Variants in ITPRIPL2 observed in about 807,000 individuals in gnomAD.
The protein encoded by ITPRIPL2 is ITPRIP like 2.
Under a neutral mutation model 31.7 loss-of-function variants are expected in ITPRIPL2, and 29 were observed. That is an observed-to-expected ratio of 0.91 (90% confidence interval 0.68 to 1.25). The LOEUF (loss-of-function observed/expected upper bound fraction) is 1.25, where lower values mean the gene tolerates loss of function less well. Ranked by LOEUF, ITPRIPL2 falls within the 50% of genes most tolerant of loss-of-function variation. The probability of loss-of-function intolerance (pLI) is 0.00; values close to 1 mark genes in which losing one functional copy is unlikely to be tolerated. For missense variants in ITPRIPL2, 696 were observed against 739.1 expected, an observed-to-expected ratio of 0.94 and a Z score of 0.68; for synonymous variants, 344 against 343.4, an observed-to-expected ratio of 1.00 and a Z score of -0.02.
In ITPRIPL2 at chr16:19,114,666, G is replaced by T; in HGVS notation, c.205G>T (p.Ala69Ser). The T allele has an allele frequency of 6.2e-7, 1 of 1,610,194 alleles. No homozygotes were observed. Among genetic ancestry groups the T allele is most frequent in the South Asian group, 1.1e-5 (1 of 90,866 alleles). ...LSYVLLRCRHAVRQRFLPGSP... is the reference protein window; with the variant it reads ...LSYVLLRCRHSVRQRFLPGSP... ...CTATGTCCTCCTGCGCTGTCGCCAC[G>T]CTGTCCGGCAGCGCTTCCTGCCCGG... The change falls in exon 1 of 1, where the codon GCT becomes TCT. Residue 69 changes from alanine (A) to serine (S), a missense_variant. Physicochemically the swap from Ala to Ser is moderately conservative, Grantham distance 99 (BLOSUM62 1). Coordinates refer to ENST00000381440, the MANE Select transcript of ITPRIPL2 (RefSeq NM_001034841.4).
rs1963463054 is a variant in ITPRIPL2, at chr16:19,117,814, T to G, written c.*1745T>G. Reference sequence around the variant, plus strand: ...GGAATCCTTCTCCTCCAAGCTGCATTGGCTTCTTATATCCTTTGCGACCTT... The same window carrying G: ...GGAATCCTTCTCCTCCAAGCTGCATGGGCTTCTTATATCCTTTGCGACCTT... On this transcript the variant is annotated 3_prime_UTR_variant, in exon 1 of 1. Transcript: ENST00000381440. The G allele has an allele frequency of 6.0e-6, 1 of 166,990 alleles. No individual in the cohort carries two copies. The highest frequency in any genetic ancestry group is 1.5e-5 in the Non-Finnish European group (1 of 68,116). 10.3% of individuals were successfully genotyped at this position (166,990 alleles called of 1,614,324 possible).
In ITPRIPL2 at chr16:19,114,651, C is replaced by T. The variant is rs1232760247; in HGVS notation, c.190C>T (p.Leu64=). The T allele has an allele frequency of 1.2e-6, 2 of 1,608,366 alleles. No individual in the cohort carries two copies. Among genetic ancestry groups the T allele is most frequent in the East Asian group, 2.2e-5 (1 of 44,792 alleles). The change falls in exon 1 of 1, where the codon CTG becomes TTG. Residue 64 remains leucine, a synonymous_variant. Coordinates refer to ENST00000381440, the MANE Select transcript of ITPRIPL2 (RefSeq NM_001034841.4). ...AVLLLLSYVL[L]RCRHAVRQRF... The stretch of plus-strand genomic sequence containing the variant: ...CCTGCTCCTCCTCAGCTATGTCCTC[C>T]TGCGCTGTCGCCACGCTGTCCGGCA...
Position 19,115,431 on chromosome 16 carries a change from C to A in ITPRIPL2, c.970C>A (p.Pro324Thr), listed in dbSNP as rs1963426865. 1 of 1,610,386 alleles carries A rather than the reference C, an allele frequency of 6.2e-7. No homozygotes were observed. Among genetic ancestry groups the A allele is most frequent in the Admixed American group, 1.7e-5 (1 of 60,004 alleles). Residue 324 changes from proline to threonine, a missense_variant, in exon 1 of 1, where the codon CCA (proline) becomes ACA (threonine). Transcript: ENST00000381440. ...HLGDGVFLVA[P>T]PPPPLPSAPL... The stretch of plus-strand genomic sequence containing the variant: ...GGGAGATGGGGTCTTCCTTGTGGCG[C>A]CACCACCGCCACCCTTGCCCAGCGC...
At position 19,116,455 on chromosome 16, in the gene ITPRIPL2, T is replaced by TA. The variant is rs3840049; in HGVS notation, c.*395dup. ...TAGACACAGATCTCTCTGCCCAAAT[T>TA]AAAAAAAAACAAAACAAAACACTAA... On this transcript the variant is annotated 3_prime_UTR_variant, in exon 1 of 1. Transcript: ENST00000381440. 8.4e-4 allele frequency: 175 copies of TA among 207,924 alleles called. No homozygotes were observed. The highest frequency in any genetic ancestry group is 2.7e-3 in the East Asian group (21 of 7,870). 12.9% of individuals were successfully genotyped at this position (207,924 alleles called of 1,614,324 possible). A position where few individuals can be genotyped will look rare whatever the true frequency, so the allele number is the denominator to read the frequency against.
chr16:19,115,844 G>A lies in ITPRIPL2; in HGVS notation c.1383G>A (p.Ala461=), dbSNP rs147267980. 1 of 1,612,412 alleles carries A rather than the reference G, an allele frequency of 6.2e-7. No individual in the cohort carries two copies. Among genetic ancestry groups the A allele is most frequent in the African/African-American group, 1.3e-5 (1 of 75,058 alleles). The change falls in exon 1 of 1, where the codon GCG becomes GCA. Residue 461 remains alanine, a synonymous_variant. Coordinates refer to ENST00000381440, the MANE Select transcript of ITPRIPL2 (RefSeq NM_001034841.4). ...ACTGCGTCCTGGGCCCTGGTGGGGCGGCTGCCGAGGTGGGTCCCCTGCCCA... is the reference window on the plus strand; with the variant it reads ...ACTGCGTCCTGGGCCCTGGTGGGGCAGCTGCCGAGGTGGGTCCCCTGCCCA... ...LFHCVLGPGG[A]AAEVGPLPKA...
rs1342517604 is a variant in ITPRIPL2, at chr16:19,115,945, G to T, written c.1484G>T (p.Arg495Leu). ...CACGCCCGGGAACTTGCAGCAGCGCGGTTGCTGTCCACGTGGCAAAGGCTG... is the reference window on the plus strand; with the variant it reads ...CACGCCCGGGAACTTGCAGCAGCGCTGTTGCTGTCCACGTGGCAAAGGCTG... Reference protein sequence around the residue: ...DGHARELAAARLLSTWQRLPQ... With the variant: ...DGHARELAAALLLSTWQRLPQ... Residue 495 changes from arginine (R) to leucine (L), a missense_variant, in exon 1 of 1, where the codon CGG becomes CTG. Physicochemically the swap from Arg to Leu is moderately radical, Grantham distance 102. Transcript: ENST00000381440. 5 of 1,612,644 alleles carry T rather than the reference G, an allele frequency of 3.1e-6. No individual in the cohort carries two copies. The African/African-American group carries it at 4.0e-5, about 13-fold the overall frequency.
rs1963519398 is a variant in ITPRIPL2, at chr16:19,121,427, A to T, written c.*5358A>T. On this transcript the variant is annotated 3_prime_UTR_variant, in exon 1 of 1. Coordinates refer to ENST00000381440, the MANE Select transcript of ITPRIPL2 (RefSeq NM_001034841.4). ...TTTGTTCCAATAACAGAGACCAAAGAGTTAATCAGATATGGTTCAGCTGCT... is the reference window on the plus strand; with the variant it reads ...TTTGTTCCAATAACAGAGACCAAAGTGTTAATCAGATATGGTTCAGCTGCT... 6.0e-6 allele frequency: 1 copy of T among 166,990 alleles called. No individual in the cohort carries two copies. The highest frequency in any genetic ancestry group is 6.5e-5 in the Admixed American group (1 of 15,270). 10.3% of individuals were successfully genotyped at this position (166,990 alleles called of 1,614,324 possible).
chr16:19,114,450 C>T lies in ITPRIPL2; in HGVS notation c.-12C>T. 7.2e-7 allele frequency: 1 copy of T among 1,392,076 alleles called. No individual in the cohort carries two copies. 86.2% of individuals were successfully genotyped at this position (1,392,076 alleles called of 1,614,324 possible). A position where few individuals can be genotyped will look rare whatever the true frequency, so the allele number is the denominator to read the frequency against. The stretch of plus-strand genomic sequence containing the variant: ...CTGGGCTGCTCGGCCACCGCCGCCC[C>T]GGGCGCCCGGCATGTCGGTGCACTA... On this transcript the variant is annotated 5_prime_UTR_variant, in exon 1 of 1. Coordinates refer to ENST00000381440, the MANE Select transcript of ITPRIPL2 (RefSeq NM_001034841.4).
rs909985930 is a variant in ITPRIPL2 at position 19,117,051 on chromosome 16, G to T, written c.*982G>T. 6.0e-6 allele frequency: 1 copy of T among 167,148 alleles called. No homozygotes were observed. The highest frequency in any genetic ancestry group is 2.4e-5 in the African/African-American group (1 of 41,474). 10.4% of individuals were successfully genotyped at this position (167,148 alleles called of 1,614,324 possible). ...TGGAGAAAGATGTGTTTTAGGCTTT[G>T]CCTGTAAAGGTGTTTCTCCAAGGCT... On this transcript the variant is annotated 3_prime_UTR_variant, in exon 1 of 1. Transcript: ENST00000381440.
In ITPRIPL2 at chr16:19,117,867, T is replaced by C. The variant is rs1336742273; in HGVS notation, c.*1798T>C. Reference sequence around the variant, plus strand: ...GCTGAAAGAGAAACAGCTGCAAATGTTGTGCTGTCTCTTTGAGGTTGTCTT... The same window carrying C: ...GCTGAAAGAGAAACAGCTGCAAATGCTGTGCTGTCTCTTTGAGGTTGTCTT... On this transcript the variant is annotated 3_prime_UTR_variant, in exon 1 of 1. Coordinates refer to ENST00000381440, the MANE Select transcript of ITPRIPL2 (RefSeq NM_001034841.4). 1 of 167,014 alleles carries C rather than the reference T, an allele frequency of 6.0e-6. No individual in the cohort carries two copies. Among genetic ancestry groups the C allele is most frequent in the African/African-American group, 2.4e-5 (1 of 41,432 alleles). The allele number at this position is 167,014 out of a possible 1,614,324, so 10.3% of individuals were successfully genotyped here.
At position 19,114,321 on chromosome 16, in the gene ITPRIPL2, C is replaced by T. The variant is rs1028299522; in HGVS notation, c.-141C>T. On this transcript the variant is annotated 5_prime_UTR_variant, in exon 1 of 1. Transcript: ENST00000381440. ...GGCCGAGCTGGAGGGCGGCCTCCCT[C>T]GGGCCTGCGTTCGGGAAGCCGCCGC... 1.9e-6 allele frequency: 1 copy of T among 522,570 alleles called. No individual in the cohort carries two copies. Among genetic ancestry groups the T allele is most frequent in the Non-Finnish European group, 2.9e-6 (1 of 340,838 alleles). 32.4% of individuals were successfully genotyped at this position (522,570 alleles called of 1,614,324 possible).
In ITPRIPL2 at chr16:19,115,804, G is replaced by A; in HGVS notation, c.1343G>A (p.Arg448His). ...VQFLRDCLLR[R>H]HTLFHCVLGP... ...TTCCTTAGGGACTGCCTGCTGCGAC[G>A]CCATACGCTCTTCCACTGCGTCCTG... Residue 448 changes from arginine to histidine, a missense_variant, in exon 1 of 1, where the codon CGC (arginine) becomes CAC (histidine). Transcript: ENST00000381440. 1.2e-6 allele frequency: 2 copies of A among 1,612,906 alleles called. No homozygotes were observed. Among genetic ancestry groups the A allele is most frequent in the Non-Finnish European group, 8.5e-7 (1 of 1,179,952 alleles).
In ITPRIPL2 at chr16:19,115,608, C is replaced by T; in HGVS notation, c.1147C>T (p.Arg383Cys). The change falls in exon 1 of 1, where the codon CGC (arginine) becomes TGC (cysteine). Residue 383 changes from arginine to cysteine, a missense_variant. By Grantham distance (180) the Arg-to-Cys change is radical (BLOSUM62 -3). Coordinates refer to ENST00000381440, the MANE Select transcript of ITPRIPL2 (RefSeq NM_001034841.4). ...LKCLQLLKAL[R>C]DLGARGLDSA... ...GTGCCTGCAGTTGCTTAAGGCTCTG[C>T]GCGATCTGGGGGCCCGTGGGCTGGA... 1.9e-6 allele frequency: 3 copies of T among 1,607,672 alleles called. No individual in the cohort carries two copies. Among genetic ancestry groups the T allele is most frequent in the East Asian group, 2.2e-5 (1 of 44,848 alleles).
chr16:19,114,491 C>T lies in ITPRIPL2; in HGVS notation c.30C>T (p.Arg10=), dbSNP rs1277538260. 1.4e-6 allele frequency: 2 copies of T among 1,448,606 alleles called. No homozygotes were observed. Among genetic ancestry groups the T allele is most frequent in the African/African-American group, 2.9e-5 (2 of 69,710 alleles). 89.7% of individuals were successfully genotyped at this position (1,448,606 alleles called of 1,614,324 possible). Residue 10 remains arginine, a synonymous_variant, in exon 1 of 1, where the codon CGC becomes CGT. Coordinates refer to ENST00000381440, the MANE Select transcript of ITPRIPL2 (RefSeq NM_001034841.4). ...CGGTGCACTACACCCTCAATCTACGCGTCTTCTGGCCCCTGGTGACCGGCC... is the reference window on the plus strand; with the variant it reads ...CGGTGCACTACACCCTCAATCTACGTGTCTTCTGGCCCCTGGTGACCGGCC... MSVHYTLNL[R]VFWPLVTGLC...
Position 19,115,560 on chromosome 16 carries a change from G to A in ITPRIPL2, c.1099G>A (p.Ala367Thr), listed in dbSNP as rs1204740940. Reference protein sequence around the residue: ...KLLSWLQERAAPGACYLKCLQ... With the variant: ...KLLSWLQERATPGACYLKCLQ... ...GCTGAGTTGGCTGCAGGAACGGGCA[G>A]CTCCAGGTGCCTGCTACCTCAAGTG... The change falls in exon 1 of 1, where the codon GCT (alanine) becomes ACT (threonine). Residue 367 changes from alanine to threonine, a missense_variant. Coordinates refer to ENST00000381440, the MANE Select transcript of ITPRIPL2 (RefSeq NM_001034841.4). The A allele has an allele frequency of 3.7e-6, 6 of 1,603,004 alleles. No individual in the cohort carries two copies. The highest frequency in any genetic ancestry group is 1.3e-5 in the African/African-American group (1 of 74,894).
At position 19,118,903 on chromosome 16, in the gene ITPRIPL2, T is replaced by C; in HGVS notation, c.*2834T>C. The C allele has an allele frequency of 2.4e-6, 1 of 413,174 alleles. No individual in the cohort carries two copies. The highest frequency in any genetic ancestry group is 4.4e-6 in the Non-Finnish European group (1 of 226,034). 25.6% of individuals were successfully genotyped at this position (413,174 alleles called of 1,614,324 possible). ...TCAATTCTGTATTTTATTAGGGCTC[T>C]GTTATGTCCTTCATCTGAAATGTAC... On this transcript the variant is annotated 3_prime_UTR_variant, in exon 1 of 1. Transcript: ENST00000381440.
Position 19,114,667 on chromosome 16 carries a change from C to G in ITPRIPL2, c.206C>G (p.Ala69Gly). Residue 69 changes from alanine (A) to glycine (G), a missense_variant, in exon 1 of 1, where the codon GCT (alanine) becomes GGT (glycine). Physicochemically the swap from Ala to Gly is moderately conservative, Grantham distance 60. Coordinates refer to ENST00000381440, the MANE Select transcript of ITPRIPL2 (RefSeq NM_001034841.4). ...LSYVLLRCRHAVRQRFLPGSP... is the reference protein window; with the variant it reads ...LSYVLLRCRHGVRQRFLPGSP... ...TATGTCCTCCTGCGCTGTCGCCACGCTGTCCGGCAGCGCTTCCTGCCCGGG... is the reference window on the plus strand; with the variant it reads ...TATGTCCTCCTGCGCTGTCGCCACGGTGTCCGGCAGCGCTTCCTGCCCGGG... 6.2e-7 allele frequency: 1 copy of G among 1,610,670 alleles called. No homozygotes were observed. The highest frequency in any genetic ancestry group is 8.5e-7 in the Non-Finnish European group (1 of 1,178,908).
chr16:19,114,428 G>C lies in ITPRIPL2; in HGVS notation c.-34G>C. 7.2e-7 allele frequency: 1 copy of C among 1,385,034 alleles called. No homozygotes were observed. Among genetic ancestry groups the C allele is most frequent in the Non-Finnish European group, 9.3e-7 (1 of 1,071,872 alleles). 85.8% of individuals were successfully genotyped at this position (1,385,034 alleles called of 1,614,324 possible). A position where few individuals can be genotyped will look rare whatever the true frequency, so the allele number is the denominator to read the frequency against. ...GGTCGCCGCCGGGGCTTGCCCCCTG[G>C]GCTGCTCGGCCACCGCCGCCCCGGG... On this transcript the variant is annotated 5_prime_UTR_variant, in exon 1 of 1. Coordinates refer to ENST00000381440, the MANE Select transcript of ITPRIPL2 (RefSeq NM_001034841.4).
chr16:19,115,884 G>T lies in ITPRIPL2; in HGVS notation c.1423G>T (p.Ala475Ser), dbSNP rs1280568779. The T allele has an allele frequency of 6.2e-7, 1 of 1,611,642 alleles. No homozygotes were observed. The highest frequency in any genetic ancestry group is 1.3e-5 in the African/African-American group (1 of 74,942). Residue 475 changes from alanine to serine, a missense_variant, in exon 1 of 1, where the codon GCC becomes TCC. Transcript: ENST00000381440. The stretch of plus-strand genomic sequence containing the variant: ...TCCCCTGCCCAAGGCACTGAGGGAA[G>T]CCGCCCCAGTTGACCTCCTGGCCGC... ...VGPLPKALRE[A>S]APVDLLAAFD...
Sources: gnomAD v4.1 joint callset for allele counts on GRCh38, gnomAD v4.1.1 for gene constraint, MANE v1.5 for transcripts, NCBI Gene and HGNC (gene_info 2026-07-23, HGNC 2026-07-21) for gene names.